The following TMEM38B variants were observed in gnomAD, a reference collection of about 807,000 sequenced individuals.
TMEM38B encodes trimeric intracellular cation channel type B.
A neutral mutation model predicts 28.7 loss-of-function variants in TMEM38B; 24 were observed. The ratio of observed to expected loss-of-function variants is 0.84; its 90% CI spans 0.61 to 1.18. TMEM38B has a LOEUF of 1.18. Ranked by LOEUF, TMEM38B falls within the 50% of genes most tolerant of loss-of-function variation. The pLI, the probability that TMEM38B is intolerant of heterozygous loss-of-function variation, is 0.00. For missense variants in TMEM38B, 380 were observed against 350.9 expected (o/e 1.08, Z -0.66); for synonymous variants, 131 against 127.7 (o/e 1.03, Z -0.17).
At chr9:105,707,250 A>C (rs75845559) in intron 2 of TMEM38B, among the ~76,000 whole-genome samples, 3,881 of 152,292 alleles carry the variant, frequency 0.025, 182 homozygotes, top group African/African-American at 0.089. Flanking sequence ...GCTCATATTT[A>C]ATTATTCTTC....
At chr9:105,747,834 A>G (rs1212293624) in intron 4 of TMEM38B, among the ~76,000 whole-genome samples, 1 of 151,844 alleles carries the variant, frequency 6.6e-6, no homozygotes, top group Non-Finnish European at 1.5e-5. Flanking sequence ...TTTGTTATGC[A>G]CCCAGTAGTC....
At chr9:105,758,811 A>G (rs1362335225) in intron 5 of TMEM38B, 1 of 896,772 alleles carries the variant, frequency 1.1e-6, no homozygotes, top group East Asian at 2.4e-5. Context: ...TTCCGAGAAA[A>G]TAAAGCATGA....
At chr9:105,740,384 A>G (rs1480032901) in intron 4 of TMEM38B, among the ~76,000 whole-genome samples, 3 of 149,852 alleles carry the variant, frequency 2.0e-5, no homozygotes, top group Non-Finnish European at 4.4e-5. Context: ...CTCCCATCTC[A>G]GCCTCCCAGG....
At chr9:105,758,670 C>A (rs1216629363) in intron 5 of TMEM38B, 3 of 768,990 alleles carry the variant, frequency 3.9e-6, no homozygotes, top group Non-Finnish European at 7.0e-6. Context: ...TAAAACTCTG[C>A]CACGAAGACA....
rs375468166 is a variant in TMEM38B, at chr9:105,701,818, G to T, written c.113-3779G>T. On this transcript the variant is annotated intron_variant, in intron 1 of 5. Coordinates refer to ENST00000374692, the MANE Select transcript of TMEM38B (RefSeq NM_018112.3). ...GCCATAAATCAGAGAATCTATATGG[G>T]CATTGAGTCAGTTGCCAAGTATGTC... is the stretch of plus-strand genomic sequence containing the variant. Among the ~76,000 whole-genome samples, 5 of 152,180 alleles carry T rather than the reference G, an allele frequency of 3.3e-5. No individual in the cohort carries two copies. In the East Asian group the frequency reaches 9.6e-4, roughly 29 times the overall value.
chr9:105,716,549 G>T (rs1225609288), intron 2 of TMEM38B, among the ~76,000 whole-genome samples: 1 of 148,324 alleles, frequency 6.7e-6, no homozygotes, highest in Non-Finnish European at 1.5e-5. Context: ...CTACCCACTT[G>T]CATTTTGGGG....
At chr9:105,720,137 T>C (rs1158502203) in intron 2 of TMEM38B, among the ~76,000 whole-genome samples, 2 of 152,022 alleles carry the variant, frequency 1.3e-5, no homozygotes, top group Non-Finnish European at 2.9e-5. Flanking sequence ...TCTCAGATAG[T>C]TTATTCTTTT....
rs879237961 is a variant in TMEM38B at position 105,749,013 on chromosome 9, A to T, written c.660+823A>T. On this transcript the variant is annotated intron_variant, in intron 5 of 5. Transcript: ENST00000374692. ...GATTTTTAAAAGGAAAACAGGATAG[A>T]TTATATAAATATGTGTCTTAGAATG... is the stretch of plus-strand genomic sequence containing the variant. The T allele has an allele frequency of 1.2e-4, 153 of 1,228,416 alleles. 1 individual carries two copies. In the South Asian group the frequency reaches 2.0e-3, roughly 16 times the overall value. The allele number at this position is 1,228,416 out of a possible 1,614,324, so 76.1% of individuals were successfully genotyped here. A position where few individuals can be genotyped will look rare whatever the true frequency, so the allele number is the denominator to read the frequency against.
intron 5 of TMEM38B, among the ~76,000 whole-genome samples, chr9:105,768,130 A>G (rs1441794577): frequency 6.6e-6 from 1 of 152,140 alleles, no homozygotes; most frequent in Non-Finnish European, 1.5e-5. Context: ...GAAAGTGTTT[A>G]TCATGAATGG....
In TMEM38B at chr9:105,754,965, A is replaced by G. The variant is rs556826035; in HGVS notation, c.660+6775A>G. Reference sequence around the variant, plus strand: ...CAGAAATACAAACAACCATCTATATAGAGAATACTGTACTATATACTATAA... The same window carrying G: ...CAGAAATACAAACAACCATCTATATGGAGAATACTGTACTATATACTATAA... On this transcript the variant is annotated intron_variant, in intron 5 of 5. Transcript: ENST00000374692. Among the ~76,000 whole-genome samples, 6 of 152,348 alleles carry G rather than the reference A, an allele frequency of 3.9e-5. No homozygotes were observed. In the South Asian group the frequency reaches 1.2e-3, roughly 32 times the overall value.
intron 4 of TMEM38B, among the ~76,000 whole-genome samples, chr9:105,728,908 C>G (rs1836625553): frequency 6.7e-6 from 1 of 149,730 alleles, no homozygotes; most frequent in Non-Finnish European, 1.5e-5. Context: ...TATCCTTTGC[C>G]CACTTTTTGA....
At chr9:105,731,833 C>G (rs1029642463) in intron 4 of TMEM38B, among the ~76,000 whole-genome samples, 19 of 152,046 alleles carry the variant, frequency 1.2e-4, no homozygotes, top group African/African-American at 2.7e-4. Context: ...GTAATGGGAT[C>G]GCTGGGTTAA....
At chr9:105,727,790 A>G (rs1432130059) in intron 4 of TMEM38B, among the ~76,000 whole-genome samples, 1 of 152,142 alleles carries the variant, frequency 6.6e-6, no homozygotes, top group Non-Finnish European at 1.5e-5. Flanking sequence ...TGATTGGATC[A>G]TGGGGGTGGA....
chr9:105,759,113 G>A (rs1411489885), intron 5 of TMEM38B: 13 of 782,970 alleles, frequency 1.7e-5, no homozygotes, highest in Non-Finnish European at 3.1e-5. Context: ...GTGATGATAC[G>A]AATAATCCAA....
intron 2 of TMEM38B, among the ~76,000 whole-genome samples, chr9:105,716,404 G>A (rs1329683059): frequency 7.1e-6 from 1 of 140,448 alleles, no homozygotes; most frequent in East Asian, 2.5e-4. Flanking sequence ...ATTTCCAAAT[G>A]AGTCTGCTCT....
intron 4 of TMEM38B, among the ~76,000 whole-genome samples, chr9:105,728,043 A>G (rs6477456): frequency 0.21 from 31,984 of 151,998 alleles, 5,226 homozygotes; most frequent in East Asian, 0.47. Flanking sequence ...CTGTGAGCCA[A>G]TTAAGCCACT....
intron 4 of TMEM38B, among the ~76,000 whole-genome samples, chr9:105,746,097 G>A (rs981466431): frequency 6.6e-6 from 1 of 152,186 alleles, no homozygotes; most frequent in African/African-American, 2.4e-5. Context: ...CTTTAAAGTA[G>A]TTTTTTCCAA....
At chr9:105,706,556 G>A (rs1835676546) in intron 2 of TMEM38B, among the ~76,000 whole-genome samples, 1 of 152,220 alleles carries the variant, frequency 6.6e-6, no homozygotes, top group African/African-American at 2.4e-5. Flanking sequence ...ATAACTTGTG[G>A]CCTTGCATAG....
intron 3 of TMEM38B, among the ~76,000 whole-genome samples, chr9:105,722,020 TAA>T (rs1360100454): frequency 6.6e-6 from 1 of 152,176 alleles, no homozygotes; most frequent in Non-Finnish European, 1.5e-5. Context: ...GTAAATAAAA[TAA>T]GTTTACATAA....
Sources: allele counts gnomAD v4.1 joint callset (sites outside exome capture counted in the v4.1 genomes callset), GRCh38; gene constraint gnomAD v4.1.1; transcripts MANE v1.5; gene names NCBI Gene and HGNC (gene_info 2026-07-23, HGNC 2026-07-21).